The following CDH12 variants were observed in gnomAD, a reference collection of about 807,000 sequenced individuals.
CDH12 encodes cadherin 12.
In CDH12, 41 loss-of-function variants were observed where a neutral mutation model predicts 74.1. The ratio of observed to expected loss-of-function variants is 0.55; its 90% CI spans 0.43 to 0.72. CDH12 has a LOEUF of 0.72. Ranked by LOEUF, CDH12 falls within the 30% of genes least tolerant of loss-of-function variation. The pLI is 0.00. For synonymous variants in CDH12, 399 were observed against 355.0 expected (o/e 1.12, Z -1.39); for missense variants, 945 against 977.2 (o/e 0.97, Z 0.44).
At chr5:21,901,341 T>C (rs1467244414) in intron 6 of CDH12, among the ~76,000 whole-genome samples, 7 of 152,210 alleles carry the variant, frequency 4.6e-5, no homozygotes, top group Non-Finnish European at 8.8e-5. Context: ...TGTTCAATTA[T>C]GGCTGATTTC....
chr5:21,810,525 T>C (rs1309805410), intron 9 of CDH12, among the ~76,000 whole-genome samples: 1 of 152,114 alleles, frequency 6.6e-6, no homozygotes, highest in Admixed American at 6.6e-5. Flanking sequence ...GGCAGACTTT[T>C]GTTGGGAGCA....
At chr5:22,098,595 C>G (rs1454917313) in intron 4 of CDH12, among the ~76,000 whole-genome samples, 1 of 152,196 alleles carries the variant, frequency 6.6e-6, no homozygotes, top group African/African-American at 2.4e-5. Flanking sequence ...CTTCCTCCCA[C>G]CTGACACATA....
chr5:22,087,643 A>T (rs1743159604), intron 4 of CDH12, among the ~76,000 whole-genome samples: 1 of 152,114 alleles, frequency 6.6e-6, no homozygotes, highest in South Asian at 2.1e-4. Flanking sequence ...TTTGTCTCAA[A>T]AAAAGAAAAA....
At chr5:22,054,503 T>C (rs1740603829) in intron 5 of CDH12, among the ~76,000 whole-genome samples, 1 of 152,128 alleles carries the variant, frequency 6.6e-6, no homozygotes, top group East Asian at 1.9e-4. Context: ...TGGCCTACTT[T>C]AGATATGCAG....
At chr5:22,606,630 G>A (rs1737132742) in intron 1 of CDH12, among the ~76,000 whole-genome samples, 1 of 152,226 alleles carries the variant, frequency 6.6e-6, no homozygotes, top group South Asian at 2.1e-4. Flanking sequence ...CCCCAGCCAT[G>A]TGGATCTGTG....
In CDH12 at chr5:21,937,323, T is replaced by C. The variant is rs1164914325; in HGVS notation, c.526+37768A>G. On this transcript the variant is annotated intron_variant, in intron 6 of 14. Transcript: ENST00000382254. Reference sequence around the variant, plus strand: ...GAATAGTGTGATTATATTTGCTTTTTAGTTTGAAAAGAAGTAGCCTGGAAA... The same window carrying C: ...GAATAGTGTGATTATATTTGCTTTTCAGTTTGAAAAGAAGTAGCCTGGAAA... Among the ~76,000 whole-genome samples the C allele has an allele frequency of 3.9e-5, 6 of 152,242 alleles. 1 individual carries two copies. In the South Asian group the frequency reaches 6.2e-4, roughly 16 times the overall value.
intron 9 of CDH12, among the ~76,000 whole-genome samples, chr5:21,805,466 A>G (rs1747379150): frequency 1.3e-5 from 2 of 152,164 alleles, no homozygotes; most frequent in Non-Finnish European, 2.9e-5. Context: ...GTAAGATAAA[A>G]GAATCCTGTA....
At chr5:21,973,265 C>T (rs1483742469) in intron 6 of CDH12, among the ~76,000 whole-genome samples, 1 of 152,114 alleles carries the variant, frequency 6.6e-6, no homozygotes, top group Non-Finnish European at 1.5e-5. Flanking sequence ...TAAGTATTTA[C>T]TGGAGTTGTC....
chr5:22,192,090 T>C (rs796853260), intron 4 of CDH12, among the ~76,000 whole-genome samples: 7 of 152,026 alleles, frequency 4.6e-5, no homozygotes, highest in African/African-American at 1.7e-4. Context: ...AGGGCCACCA[T>C]GCCCAGCTAA....
chr5:21,773,482 C>T (rs1745433884), intron 11 of CDH12, among the ~76,000 whole-genome samples: 1 of 152,174 alleles, frequency 6.6e-6, no homozygotes, highest in African/African-American at 2.4e-5. Context: ...TGCCCTCGAA[C>T]ATCAGACTCC....
At chr5:22,003,930 C>A (rs147218929) in intron 5 of CDH12, among the ~76,000 whole-genome samples, 1 of 146,642 alleles carries the variant, frequency 6.8e-6, no homozygotes, top group South Asian at 2.2e-4. Flanking sequence ...TATGTTAAAA[C>A]GTTTTTGGCT....
At chr5:22,281,898 A>T (rs1736902180) in intron 3 of CDH12, among the ~76,000 whole-genome samples, 1 of 152,144 alleles carries the variant, frequency 6.6e-6, no homozygotes, top group Non-Finnish European at 1.5e-5. Flanking sequence ...GGAAACCAAA[A>T]ACGAGCCCGC....
intron 6 of CDH12, among the ~76,000 whole-genome samples, chr5:21,959,965 T>A (rs1580021219): frequency 6.9e-6 from 1 of 144,836 alleles, no homozygotes; most frequent in African/African-American, 2.5e-5. Flanking sequence ...CATTACATAA[T>A]GATGAAGGGT....
intron 3 of CDH12, among the ~76,000 whole-genome samples, chr5:22,345,826 G>A (rs565820793): frequency 1.1e-4 from 17 of 152,204 alleles, no homozygotes; most frequent in Admixed American, 4.6e-4. Context: ...GAATGGGTCC[G>A]GGCACAGTGG....
chr5:22,525,363 A>G (rs1737222501), intron 1 of CDH12, among the ~76,000 whole-genome samples: 2 of 152,156 alleles, frequency 1.3e-5, no homozygotes, highest in African/African-American at 2.4e-5. Context: ...GTAGAATGGG[A>G]CAGGGGATAT....
At chr5:22,536,322 G>A (rs1238921017) in intron 1 of CDH12, among the ~76,000 whole-genome samples, 1 of 152,160 alleles carries the variant, frequency 6.6e-6, no homozygotes, top group Non-Finnish European at 1.5e-5. Flanking sequence ...TTGCTATGGG[G>A]TTTTCAACAT....
intron 3 of CDH12, among the ~76,000 whole-genome samples, chr5:22,364,018 CACT>C (rs1740930346): frequency 6.6e-6 from 1 of 152,182 alleles, no homozygotes; most frequent in African/African-American, 2.4e-5. Context: ...TCTCCTCCCT[CACT>C]AGGCTGCCAT....
intron 1 of CDH12, among the ~76,000 whole-genome samples, chr5:22,718,564 C>T (rs1320694478): frequency 1.3e-5 from 2 of 151,952 alleles, no homozygotes; most frequent in African/African-American, 2.4e-5. Flanking sequence ...GAGAGAGAGC[C>T]CTGTTAAGAA....
chr5:22,643,399 C>T (rs1441205211), intron 1 of CDH12, among the ~76,000 whole-genome samples: 1 of 151,992 alleles, frequency 6.6e-6, no homozygotes, highest in Non-Finnish European at 1.5e-5. Context: ...CATGATATTT[C>T]TATGAATAAA....
Sources: allele counts gnomAD v4.1 joint callset (sites outside exome capture counted in the v4.1 genomes callset), GRCh38; gene constraint gnomAD v4.1.1; transcripts MANE v1.5; gene names NCBI Gene and HGNC (gene_info 2026-07-23, HGNC 2026-07-21).